NECTIN1: variants seen among roughly 807,000 people sequenced by gnomAD.
The protein encoded by NECTIN1 is nectin-1.
A neutral mutation model predicts 48.0 loss-of-function variants in NECTIN1; 23 were observed. The ratio of observed to expected loss-of-function variants is 0.48; its 90% CI spans 0.34 to 0.68. The LOEUF (loss-of-function observed/expected upper bound fraction) is 0.68. Among genes scored for constraint, NECTIN1 ranks in the 30% least tolerant of loss-of-function variants. The pLI, the probability that NECTIN1 is intolerant of heterozygous loss-of-function variation, is 0.01. For synonymous variants in NECTIN1, 270 were observed against 288.9 expected (o/e 0.93, Z 0.66); for missense variants, 591 against 709.9 (o/e 0.83, Z 1.90).
Position 119,664,745 on chromosome 11 carries a change from G to T in NECTIN1, c.*2C>A. ...TCACAGACAGAGGCTCTGGAAGGGG[G>T]GCTACACGTACCACTCCTTCTTGGA... is the stretch of plus-strand genomic sequence containing the variant. On this transcript the variant is annotated 3_prime_UTR_variant, in exon 6 of 6. Coordinates refer to ENST00000264025, the MANE Select transcript of NECTIN1 (RefSeq NM_002855.5). The T allele has an allele frequency of 6.2e-7, 1 of 1,608,436 alleles. No individual in the cohort carries two copies. The highest frequency in any genetic ancestry group is 8.5e-7 in the Non-Finnish European group (1 of 1,177,112).
At chr11:119,650,707 T>G (rs1009530347) in intron 5 of NECTIN1, among the ~76,000 whole-genome samples, 5 of 152,174 alleles carry the variant, frequency 3.3e-5, no homozygotes, top group Non-Finnish European at 7.3e-5. Flanking sequence ...AGCTCCTCAG[T>G]GGCTAACTGC....
At position 119,671,123 on chromosome 11, in the gene NECTIN1, TG is replaced by T. The variant is rs111269523; in HGVS notation, c.1003+4035del. ...TGAGGGAGAGAAGAAAGGAGAAGCA[TG>T]GGGATCTAACTCATTTGCAAGCAGA... is the stretch of plus-strand genomic sequence containing the variant. On this transcript the variant is annotated intron_variant, in intron 5 of 5. Transcript: ENST00000264025. 9.2e-3 allele frequency among the ~76,000 whole-genome samples: 1,395 copies of T among 150,968 alleles called. 25 individuals are homozygous for T. Among genetic ancestry groups the T allele is most frequent in the African/African-American group, 0.03 (1,217 of 41,046 alleles).
intron 1 of NECTIN1, among the ~76,000 whole-genome samples, chr11:119,722,149 G>A (rs1030027194): frequency 1.3e-5 from 2 of 152,172 alleles, no homozygotes; most frequent in Non-Finnish European, 2.9e-5. Context: ...AGCATAAGAC[G>A]GTCAGCAAAT....
Position 119,664,696 on chromosome 11 carries a change from C to CGGGGGGGGGGGG in NECTIN1, c.*50_*51insCCCCCCCCCCCC. ...AGGTGGGGGGTGGGCAGGGGGCGTG[C>CGGGGGGGGGGGG]GGGGAGGGGCTGGGGAGGAGCGGTC... On this transcript the variant is annotated 3_prime_UTR_variant, in exon 6 of 6. Transcript: ENST00000264025. 1.9e-6 allele frequency: 1 copy of CGGGGGGGGGGGG among 532,686 alleles called. No individual in the cohort carries two copies. The highest frequency in any genetic ancestry group is 3.1e-6 in the Non-Finnish European group (1 of 323,760). 33.0% of individuals were successfully genotyped at this position (532,686 alleles called of 1,614,324 possible).
chr11:119,677,414 C>T lies in NECTIN1; in HGVS notation c.733+141G>A, dbSNP rs551630369. ...GGCGACAGGGAAGGAGGAGAGAAAACGAGCAAAGGGAGGAGATAGGGGAGA... is the reference window on the plus strand; with the variant it reads ...GGCGACAGGGAAGGAGGAGAGAAAATGAGCAAAGGGAGGAGATAGGGGAGA... On this transcript the variant is annotated intron_variant, in intron 3 of 5. Transcript: ENST00000264025. This position sits in a 1 kb window ranked among gnomAD's most constrained non-coding sequence, Gnocchi z 5.4. 2.9e-5 allele frequency: 32 copies of T among 1,116,546 alleles called. No individual in the cohort carries two copies. The Middle Eastern group carries it at 9.6e-4, about 34-fold the overall frequency. The allele number at this position is 1,116,546 out of a possible 1,614,324, so 69.2% of individuals were successfully genotyped here.
rs1356831404 is a variant in NECTIN1 at position 119,665,423 on chromosome 11, A to T, written c.1004-126T>A. The T allele has an allele frequency of 1.0e-5, 15 of 1,436,324 alleles. No individual in the cohort carries two copies. In the South Asian group the frequency reaches 1.9e-4, roughly 18 times the overall value. The allele number at this position is 1,436,324 out of a possible 1,614,324, so 89.0% of individuals were successfully genotyped here. On this transcript the variant is annotated intron_variant, in intron 5 of 5. Transcript: ENST00000264025. The surrounding 1 kb of genome is among the most constrained non-coding windows in gnomAD (Gnocchi z 5.1). ...GGCTGTCTGCACCCCAGGTTTGAGC[A>T]GCTCCAGTTCGAGGCCCCGCAGCAC...
At chr11:119,716,881 C>A (rs576984031) in intron 1 of NECTIN1, among the ~76,000 whole-genome samples, 36 of 152,370 alleles carry the variant, frequency 2.4e-4, no homozygotes, top group African/African-American at 8.4e-4. Context: ...CACACACACA[C>A]AGCACGTGAC....
intron 1 of NECTIN1, chr11:119,713,055 C>T (rs1256906485): frequency 6.6e-6 from 1 of 152,198 alleles, no homozygotes; most frequent in Non-Finnish European, 1.5e-5. Flanking sequence ...AAGGAGGGCA[C>T]CTGGAGACGC....
intron 1 of NECTIN1, among the ~76,000 whole-genome samples, chr11:119,679,086 T>C (rs1420151759): frequency 6.6e-6 from 1 of 152,216 alleles, no homozygotes; most frequent in Non-Finnish European, 1.5e-5. Context: ...TCCCATAAGC[T>C]GCTTTTTTAC....
intron 1 of NECTIN1, among the ~76,000 whole-genome samples, chr11:119,716,424 CAT>C (rs940690476): frequency 1.3e-4 from 20 of 152,316 alleles, no homozygotes; most frequent in African/African-American, 4.8e-4. Context: ...AAGCACACCA[CAT>C]ATGTTATTCG....
intron 1 of NECTIN1, among the ~76,000 whole-genome samples, chr11:119,722,502 C>T (rs1051084875): frequency 2.1e-4 from 32 of 152,388 alleles, no homozygotes; most frequent in South Asian, 6.2e-4. Context: ...TCTATGGCCA[C>T]GGCTAGCCTC....
chr11:119,706,164 A>G (rs934510035), intron 1 of NECTIN1, among the ~76,000 whole-genome samples: 1 of 152,244 alleles, frequency 6.6e-6, no homozygotes, highest in Admixed American at 6.5e-5. Flanking sequence ...TTCCCTGGGC[A>G]CAGGCTTTCC....
intron 1 of NECTIN1, among the ~76,000 whole-genome samples, chr11:119,705,505 C>A (rs1310308186): frequency 6.6e-6 from 1 of 152,176 alleles, no homozygotes; most frequent in African/African-American, 2.4e-5. Flanking sequence ...ATGTGGCCAC[C>A]TGGGAGGAGA....
chr11:119,690,878 GC>G (rs1363462657), intron 1 of NECTIN1, among the ~76,000 whole-genome samples: 2 of 151,920 alleles, frequency 1.3e-5, no homozygotes, highest in Non-Finnish European at 2.9e-5. Flanking sequence ...TTTTCACGCC[GC>G]CCCCCACCTC....
At chr11:119,706,780 G>A (rs535418889) in intron 1 of NECTIN1, among the ~76,000 whole-genome samples, 72 of 152,302 alleles carry the variant, frequency 4.7e-4, no homozygotes, top group African/African-American at 1.5e-3. Flanking sequence ...AATAAATGCT[G>A]GAACAGCCTT....
chr11:119,725,048 T>C (rs191471882), intron 1 of NECTIN1, among the ~76,000 whole-genome samples: 170 of 152,174 alleles, frequency 1.1e-3, no homozygotes, highest in African/African-American at 3.9e-3. Flanking sequence ...ATCGGAAAAA[T>C]TGAAGATACA....
chr11:119,670,685 C>T (rs551914028), intron 5 of NECTIN1, among the ~76,000 whole-genome samples: 13 of 122,352 alleles, frequency 1.1e-4, no homozygotes, highest in Admixed American at 2.2e-4. Flanking sequence ...CTCGCTCCAT[C>T]GCCTGGGCTG....
intron 1 of NECTIN1, among the ~76,000 whole-genome samples, chr11:119,728,181 G>T (rs1372223460): frequency 6.6e-6 from 1 of 152,384 alleles, no homozygotes; most frequent in Non-Finnish European, 1.5e-5. Context: ...CAGAGAGCTG[G>T]TTATTAAATA....
Position 119,728,830 on chromosome 11 carries a change from T to C in NECTIN1, c.-277A>G. 3.0e-6 allele frequency: 1 copy of C among 337,488 alleles called. No homozygotes were observed. 20.9% of individuals were successfully genotyped at this position (337,488 alleles called of 1,614,324 possible). ...TCCTCCGCTCTCCTCCCGGCGCCGG[T>C]CCCCGCCCTCTTCTTCCACGCAGAG... On this transcript the variant is annotated 5_prime_UTR_variant, in exon 1 of 6. Coordinates refer to ENST00000264025, the MANE Select transcript of NECTIN1 (RefSeq NM_002855.5).
Sources: gnomAD v4.1 joint callset for allele counts (sites outside exome capture counted in the v4.1 genomes callset) on GRCh38, gnomAD v4.1.1 for gene constraint, Gnocchi (gnomAD v3.1) non-coding constraint, MANE v1.5 for transcripts, NCBI Gene and HGNC (gene_info 2026-07-23, HGNC 2026-07-21) for gene names.